Variants in CAPZB observed in about 807,000 individuals in gnomAD.
CAPZB encodes capping actin protein of muscle Z-line subunit beta.
In CAPZB, 2 loss-of-function variants were observed where a neutral mutation model predicts 38.1. The ratio of observed to expected loss-of-function variants is 0.05; its 90% CI spans 0.02 to 0.17. CAPZB has a LOEUF of 0.17. Ranked by LOEUF, CAPZB falls within the 10% of genes least tolerant of loss-of-function variation. The pLI is 1.00. For missense variants in CAPZB, 161 were observed against 334.2 expected (o/e 0.48, Z 4.04); for synonymous variants, 107 against 127.4 (o/e 0.84, Z 1.08).
intron 2 of CAPZB, among the ~76,000 whole-genome samples, chr1:19,418,006 G>A (rs1475258135): frequency 6.6e-6 from 1 of 151,424 alleles, no homozygotes; most frequent in Non-Finnish European, 1.5e-5. Flanking sequence ...CACGGTCGTG[G>A]GCGCCTGTAA....
In CAPZB at chr1:19,438,274, G is replaced by A. The variant is rs577021167; in HGVS notation, c.4-18524C>T. ...GGGAGAGCAGGGAGGCAGATGTTGT[G>A]TGTTATCACTGAAACAAACACAAGC... On this transcript the variant is annotated intron_variant, in intron 1 of 8. Transcript: ENST00000264202. Among the ~76,000 whole-genome samples the A allele has an allele frequency of 2.6e-5, 4 of 152,288 alleles. No individual in the cohort carries two copies. The East Asian group carries it at 7.7e-4, about 29-fold the overall frequency.
chr1:19,459,638 G>A (rs759936017), intron 1 of CAPZB, among the ~76,000 whole-genome samples: 7 of 152,270 alleles, frequency 4.6e-5, no homozygotes, highest in East Asian at 1.9e-4. Flanking sequence ...TAGCCACATC[G>A]TCCACCCTTC....
At chr1:19,375,288 G>C (rs577096218) in intron 4 of CAPZB, among the ~76,000 whole-genome samples, 1 of 152,248 alleles carries the variant, frequency 6.6e-6, no homozygotes, top group East Asian at 1.9e-4. Context: ...TCCCAGGAGA[G>C]AGAGCTCTTC....
chr1:19,431,202 T>C (rs1008350110), intron 1 of CAPZB, among the ~76,000 whole-genome samples: 1 of 152,094 alleles, frequency 6.6e-6, no homozygotes, highest in Non-Finnish European at 1.5e-5. Flanking sequence ...AACCCAAAAA[T>C]CCAAATCCCA....
At chr1:19,409,978 A>C (rs1363103049) in intron 2 of CAPZB, among the ~76,000 whole-genome samples, 1 of 152,216 alleles carries the variant, frequency 6.6e-6, no homozygotes, top group East Asian at 1.9e-4. Context: ...GTTGCAATAG[A>C]GTTTTAGTGT....
intron 3 of CAPZB, among the ~76,000 whole-genome samples, chr1:19,383,289 T>C (rs531627059): frequency 4.6e-5 from 7 of 151,684 alleles, no homozygotes; most frequent in African/African-American, 1.7e-4. Flanking sequence ...GCACTGAAAA[T>C]ACAAAGACTA....
chr1:19,461,574 C>T (rs1570338260), intron 1 of CAPZB, among the ~76,000 whole-genome samples: 1 of 152,246 alleles, frequency 6.6e-6, no homozygotes. Flanking sequence ...ATCCTAAACC[C>T]GCAGGGCCAT....
chr1:19,447,283 T>TTG, intron 1 of CAPZB, among the ~76,000 whole-genome samples: 1 of 146,126 alleles, frequency 6.8e-6, no homozygotes, highest in Non-Finnish European at 1.5e-5. Context: ...TTTTTTTTTT[T>TTG]TTTTTTTTTT....
In CAPZB at chr1:19,426,355, AT is replaced by A. The variant is rs1465453377; in HGVS notation, c.4-6606del. ...TGACTTAGAAGGCGAAGCAGATTAT[AT>A]TTTCCAAAAATGACCATAACAAGCA... On this transcript the variant is annotated intron_variant, in intron 1 of 8. Transcript: ENST00000264202. Among the ~76,000 whole-genome samples the A allele has an allele frequency of 2.0e-5, 3 of 150,988 alleles. No individual in the cohort carries two copies. The East Asian group carries it at 5.8e-4, about 29-fold the overall frequency.
Position 19,339,225 on chromosome 1 carries a change from G to T in CAPZB, c.*305C>A. 2.6e-6 allele frequency: 1 copy of T among 387,502 alleles called. No homozygotes were observed. The highest frequency in any genetic ancestry group is 4.7e-6 in the Non-Finnish European group (1 of 213,236). 24.0% of individuals were successfully genotyped at this position (387,502 alleles called of 1,614,324 possible). The stretch of plus-strand genomic sequence containing the variant: ...GAGGGAAGGGAGGCTGGCAGACAGT[G>T]GATTTTATGCCTATAAATGGGGGGA... On this transcript the variant is annotated 3_prime_UTR_variant, in exon 9 of 9. Transcript: ENST00000264202.
At chr1:19,482,579 G>A (rs1208845892) in intron 1 of CAPZB, among the ~76,000 whole-genome samples, 1 of 152,218 alleles carries the variant, frequency 6.6e-6, no homozygotes, top group Non-Finnish European at 1.5e-5. Flanking sequence ...TCAGACAGTG[G>A]TAAGATTATT....
chr1:19,471,624 G>GGAGGTCAA (rs2094587605), intron 1 of CAPZB, among the ~76,000 whole-genome samples: 1 of 152,064 alleles, frequency 6.6e-6, no homozygotes, highest in Non-Finnish European at 1.5e-5. Context: ...CAGCACTTTG[G>GGAGGTCAA]GAGGTCAAGG....
intron 2 of CAPZB, among the ~76,000 whole-genome samples, chr1:19,401,186 T>C (rs543242997): frequency 1.4e-5 from 2 of 147,506 alleles, no homozygotes; most frequent in African/African-American, 5.0e-5. Flanking sequence ...TTCCTACACA[T>C]AGGCAGAATA....
At chr1:19,456,038 A>C (rs2094532089) in intron 1 of CAPZB, among the ~76,000 whole-genome samples, 1 of 152,174 alleles carries the variant, frequency 6.6e-6, no homozygotes, top group Non-Finnish European at 1.5e-5. Context: ...CAGCCTCCCA[A>C]GTAGCTGGGA....
At chr1:19,405,713 C>A (rs765841240) in intron 2 of CAPZB, among the ~76,000 whole-genome samples, 2 of 152,150 alleles carry the variant, frequency 1.3e-5, no homozygotes, top group South Asian at 2.1e-4. Flanking sequence ...GATTAACGAT[C>A]ATTAAATCTC....
intron 6 of CAPZB, among the ~76,000 whole-genome samples, chr1:19,351,200 C>G (rs2093989792): frequency 1.3e-5 from 2 of 151,984 alleles, no homozygotes; most frequent in African/African-American, 4.8e-5. Flanking sequence ...TCAGGCTGAT[C>G]TCGAACTCCT....
At chr1:19,396,488 G>C (rs968475182) in intron 2 of CAPZB, among the ~76,000 whole-genome samples, 1 of 152,154 alleles carries the variant, frequency 6.6e-6, no homozygotes, top group African/African-American at 2.4e-5. Flanking sequence ...GTGGGCTGCC[G>C]CCTGCTGTGG....
chr1:19,379,946 C>T (rs2094165090), intron 3 of CAPZB, among the ~76,000 whole-genome samples: 1 of 152,144 alleles, frequency 6.6e-6, no homozygotes, highest in Admixed American at 6.5e-5. Context: ...GTCAGAGACC[C>T]ACAATGCCTT....
At chr1:19,456,572 A>T (rs1240399652) in intron 1 of CAPZB, among the ~76,000 whole-genome samples, 1 of 151,788 alleles carries the variant, frequency 6.6e-6, no homozygotes, top group East Asian at 1.9e-4. Flanking sequence ...CTATCCCCCT[A>T]CCCATGCACG....
Sources: allele counts gnomAD v4.1 joint callset (sites outside exome capture counted in the v4.1 genomes callset), GRCh38; gene constraint gnomAD v4.1.1; transcripts MANE v1.5; gene names NCBI Gene and HGNC (gene_info 2026-07-23, HGNC 2026-07-21).